ECT2L: variants seen among roughly 807,000 people sequenced by gnomAD.
ECT2L encodes epithelial cell-transforming sequence 2 oncogene-like.
A neutral mutation model predicts 122.8 loss-of-function variants in ECT2L; 126 were observed. The observed-to-expected ratio is 1.03, with a 90% CI of 0.89 to 1.19. The LOEUF (loss-of-function observed/expected upper bound fraction) is 1.19, where lower values mean the gene tolerates loss of function less well. Ranked by LOEUF, ECT2L falls within the 50% of genes most tolerant of loss-of-function variation. The probability of loss-of-function intolerance (pLI) is 0.00; values close to 1 mark genes in which losing one functional copy is unlikely to be tolerated. For missense variants in ECT2L, 1,012 were observed against 1,064.1 expected (o/e 0.95, Z 0.68); for synonymous variants, 385 against 381.8 (o/e 1.01, Z -0.10).
At chr6:138,867,655 C>CAAAAAAAAAA (rs71009601) in intron 12 of ECT2L, among the ~76,000 whole-genome samples, 4 of 114,418 alleles carry the variant, frequency 3.5e-5, no homozygotes, top group Non-Finnish European at 5.1e-5. Context: ...CCTAAAACTA[C>CAAAAAAAAAA]AAAAAAAAAA....
chr6:138,858,459 TA>T (rs1777697521), intron 10 of ECT2L, among the ~76,000 whole-genome samples: 2 of 152,130 alleles, frequency 1.3e-5, no homozygotes, highest in Admixed American at 6.5e-5. Context: ...ATTATTGAAA[TA>T]TAATTAATAT....
intron 14 of ECT2L, among the ~76,000 whole-genome samples, chr6:138,878,446 G>C (rs1399201700): frequency 6.6e-6 from 1 of 151,730 alleles, no homozygotes; most frequent in East Asian, 1.9e-4. Context: ...AGGTCCTTTT[G>C]TTTTTGTTTT....
intron 8 of ECT2L, among the ~76,000 whole-genome samples, chr6:138,848,310 C>T (rs966575820): frequency 6.6e-6 from 1 of 152,112 alleles, no homozygotes; most frequent in Non-Finnish European, 1.5e-5. Flanking sequence ...TTTAAAACTT[C>T]TCTGAAATTC....
intron 4 of ECT2L, among the ~76,000 whole-genome samples, chr6:138,815,384 G>A (rs575503381): frequency 1.2e-4 from 19 of 152,198 alleles, no homozygotes; most frequent in Non-Finnish European, 2.5e-4. Flanking sequence ...TGGACTGACC[G>A]AAATATTCTA....
chr6:138,901,699 GTTA>G (rs1779400874), intron 21 of ECT2L, among the ~76,000 whole-genome samples: 1 of 152,116 alleles, frequency 6.6e-6, no homozygotes, highest in African/African-American at 2.4e-5. Flanking sequence ...TACATATTTT[GTTA>G]TTATCCTATA....
At chr6:138,802,038 C>T (rs186482171) in intron 1 of ECT2L, among the ~76,000 whole-genome samples, 8 of 152,314 alleles carry the variant, frequency 5.3e-5, no homozygotes, top group Middle Eastern at 3.4e-3. Context: ...ACAAGGGCTC[C>T]GGCTTCCATC....
chr6:138,796,436 A>C (rs904411099), intron 1 of ECT2L, among the ~76,000 whole-genome samples: 1 of 152,224 alleles, frequency 6.6e-6, no homozygotes, highest in Non-Finnish European at 1.5e-5. Flanking sequence ...GGGCCATGCC[A>C]AGTAAACTCT....
At chr6:138,806,535 T>A (rs1272770803) in intron 1 of ECT2L, among the ~76,000 whole-genome samples, 1 of 146,842 alleles carries the variant, frequency 6.8e-6, no homozygotes, top group Non-Finnish European at 1.5e-5. Flanking sequence ...TTTTTTGAGA[T>A]GGAGTCACGC....
At chr6:138,808,385 C>T (rs187887149) in intron 1 of ECT2L, among the ~76,000 whole-genome samples, 59 of 152,248 alleles carry the variant, frequency 3.9e-4, no homozygotes, top group Non-Finnish European at 6.0e-4. Flanking sequence ...GGTGGGACTA[C>T]AGGCATGCAC....
rs768541251 is a variant in ECT2L at position 138,843,040 on chromosome 6, A to T, written c.404A>T (p.Asp135Val). 1 of 1,612,650 alleles carries T rather than the reference A, an allele frequency of 6.2e-7. No individual in the cohort carries two copies. Among genetic ancestry groups the T allele is most frequent in the Non-Finnish European group, 8.5e-7 (1 of 1,178,992 alleles). ...TGGTTTCTGCCCTATACTCCAACAG[A>T]TAATGAGTATGGTGCTTGGAAGCGC... Reference protein sequence around the residue: ...FGWFLPYTPTDNEYGAWKRHY... With the variant: ...FGWFLPYTPTVNEYGAWKRHY... Residue 135 changes from aspartate (D) to valine (V), a missense_variant, in exon 6 of 22, where the codon GAT (aspartate) becomes GTT (valine). Physicochemically the swap from Asp to Val is radical, Grantham distance 152. Coordinates refer to ENST00000541398, the MANE Select transcript of ECT2L (RefSeq NM_001077706.3).
Position 138,902,684 on chromosome 6 carries a change from G to GT in ECT2L, c.*58dup. On this transcript the variant is annotated 3_prime_UTR_variant, in exon 22 of 22. Coordinates refer to ENST00000541398, the MANE Select transcript of ECT2L (RefSeq NM_001077706.3). Reference sequence around the variant, plus strand: ...TCTCCCCAGCAAAGACAGACAACATGTATTTTCTGTTCCAAAATATCCAGT... The same window carrying GT: ...TCTCCCCAGCAAAGACAGACAACATGTTATTTTCTGTTCCAAAATATCCAGT... 1 of 1,594,314 alleles carries GT rather than the reference G, an allele frequency of 6.3e-7. No homozygotes were observed. Among genetic ancestry groups the GT allele is most frequent in the South Asian group, 1.1e-5 (1 of 88,760 alleles).
chr6:138,807,096 G>T (rs1296816431), intron 1 of ECT2L, among the ~76,000 whole-genome samples: 1 of 150,442 alleles, frequency 6.6e-6, no homozygotes, highest in Non-Finnish European at 1.5e-5. Context: ...GGAAGGGTTG[G>T]TTTTGCTGTC....
chr6:138,810,704 A>G (rs1047824709), intron 1 of ECT2L, among the ~76,000 whole-genome samples: 3 of 152,150 alleles, frequency 2.0e-5, no homozygotes, highest in Admixed American at 1.3e-4. Context: ...ATCCTTCTTT[A>G]AGAATGGGAC....
At chr6:138,873,791 T>C (rs535999096) in intron 13 of ECT2L, among the ~76,000 whole-genome samples, 1 of 151,838 alleles carries the variant, frequency 6.6e-6, no homozygotes, top group East Asian at 1.9e-4. Context: ...CAAGACTTTG[T>C]CTCAAAAAAA....
chr6:138,882,758 G>A lies in ECT2L; in HGVS notation c.1915G>A (p.Glu639Lys). ...FLDNLRDRLQ[E>K]WGPAHCVGEI... The stretch of plus-strand genomic sequence containing the variant: ...AGATAACCTGAGAGACAGACTGCAG[G>A]AATGGGGCCCAGCTCACTGTGTGGG... The change falls in exon 16 of 22, where the codon GAA becomes AAA. Residue 639 changes from glutamate (E) to lysine (K), a missense_variant. Physicochemically the swap from Glu to Lys is moderately conservative, Grantham distance 56. Coordinates refer to ENST00000541398, the MANE Select transcript of ECT2L (RefSeq NM_001077706.3). The A allele has an allele frequency of 6.2e-7, 1 of 1,614,190 alleles. No homozygotes were observed. Among genetic ancestry groups the A allele is most frequent in the Non-Finnish European group, 8.5e-7 (1 of 1,180,022 alleles).
chr6:138,867,558 C>T (rs1188850), intron 12 of ECT2L, among the ~76,000 whole-genome samples: 30,535 of 151,118 alleles, frequency 0.2, 3,321 homozygotes, highest in Non-Finnish European at 0.24. Context: ...GCCTGTAATC[C>T]CAGCACTTTG....
intron 20 of ECT2L, among the ~76,000 whole-genome samples, chr6:138,898,591 A>G (rs2128414992): frequency 6.6e-6 from 1 of 152,320 alleles, no homozygotes; most frequent in East Asian, 1.9e-4. Context: ...CAGCATCACC[A>G]GAGAGCTTGC....
Position 138,881,027 on chromosome 6 carries a change from G to GA in ECT2L, c.1740dup (p.Tyr581IlefsTer38). On this transcript the variant is annotated frameshift_variant, in exon 15 of 22. Transcript: ENST00000541398. LOFTEE classifies it high-confidence loss of function. ...GTCAGAGAACTCTTACAGAGTGAGA[G>GA]AAAATACGTGCAGATACTGGAAATT... 6.2e-7 allele frequency: 1 copy of GA among 1,614,180 alleles called. No homozygotes were observed. Among genetic ancestry groups the GA allele is most frequent in the Non-Finnish European group, 8.5e-7 (1 of 1,180,038 alleles).
chr6:138,875,453 T>C (rs1051745701), intron 13 of ECT2L, among the ~76,000 whole-genome samples: 10 of 152,268 alleles, frequency 6.6e-5, no homozygotes, highest in Admixed American at 5.9e-4. Flanking sequence ...TTGGTAGTTT[T>C]GTCTTTGATG....
Sources: gnomAD v4.1 joint callset for allele counts (sites outside exome capture counted in the v4.1 genomes callset) on GRCh38, gnomAD v4.1.1 for gene constraint, MANE v1.5 for transcripts, NCBI Gene and HGNC (gene_info 2026-07-23, HGNC 2026-07-21) for gene names.